CTNNA2: variants seen among roughly 807,000 people sequenced by gnomAD.
The protein encoded by CTNNA2 is catenin alpha 2, also known as catenin alpha-2.
Under a neutral mutation model 101.0 loss-of-function variants are expected in CTNNA2, and 42 were observed. The observed-to-expected ratio is 0.42, with a 90% CI of 0.32 to 0.54. The LOEUF (loss-of-function observed/expected upper bound fraction) is 0.54. CTNNA2 is among the 20% of genes least tolerant of loss of function. CTNNA2 has a pLI of 0.14. For missense variants in CTNNA2, 871 were observed against 1,223.1 expected (o/e 0.71, Z 4.29); for synonymous variants, 450 against 456.4 (o/e 0.99, Z 0.18).
Position 79,842,840 on chromosome 2 carries a change from C to T in CTNNA2, c.299-15173C>T, listed in dbSNP as rs1679931749. 2.0e-5 allele frequency among the ~76,000 whole-genome samples: 3 copies of T among 152,044 alleles called. No homozygotes were observed. The South Asian group carries it at 6.2e-4, about 32-fold the overall frequency. On this transcript the variant is annotated intron_variant, in intron 3 of 18. Transcript: ENST00000402739. ...AAAAGACAGCTGTTATTGTATTTTACATCATAGAATTCAAAAGCATCATTG... is the reference window on the plus strand; with the variant it reads ...AAAAGACAGCTGTTATTGTATTTTATATCATAGAATTCAAAAGCATCATTG...
intron 2 of CTNNA2, among the ~76,000 whole-genome samples, chr2:79,280,037 G>A (rs915840594): frequency 2.6e-5 from 4 of 152,028 alleles, no homozygotes; most frequent in African/African-American, 7.2e-5. Context: ...GCATGTCTTT[G>A]TTTTCTACAT....
At chr2:79,388,783 C>T (rs918467238) in intron 4 of CTNNA2, among the ~76,000 whole-genome samples, 4 of 149,282 alleles carry the variant, frequency 2.7e-5, no homozygotes, top group African/African-American at 7.4e-5. Flanking sequence ...TCTCTCTCCT[C>T]TTTTTTTTTT....
intron 7 of CTNNA2, among the ~76,000 whole-genome samples, chr2:79,954,090 G>A (rs1689061633): frequency 6.6e-6 from 1 of 152,096 alleles, no homozygotes; most frequent in African/African-American, 2.4e-5. Flanking sequence ...AAGGCCAAGG[G>A]GAAGCAAGGC....
chr2:79,266,777 A>G (rs895880580), intron 2 of CTNNA2, among the ~76,000 whole-genome samples: 3 of 152,098 alleles, frequency 2.0e-5, no homozygotes, highest in Non-Finnish European at 2.9e-5. Flanking sequence ...TATGAATACA[A>G]GCTTTCTGGG....
At chr2:79,404,827 C>T (rs755963668) in intron 4 of CTNNA2, among the ~76,000 whole-genome samples, 12 of 152,082 alleles carry the variant, frequency 7.9e-5, no homozygotes, top group Middle Eastern at 3.4e-3. Flanking sequence ...CTAATATAAC[C>T]TCATAATTCC....
At chr2:80,059,074 C>G (rs1256008061) in intron 7 of CTNNA2, among the ~76,000 whole-genome samples, 1 of 152,108 alleles carries the variant, frequency 6.6e-6, no homozygotes, top group Non-Finnish European at 1.5e-5. Context: ...TTAAAAATAT[C>G]TGCTGAGAAT....
In CTNNA2 at chr2:80,303,651, G is replaced by C. The variant is rs768820946; in HGVS notation, c.1057-89560G>C. ...GACAGGTTGTGGGGCGCCTCGGTGA[G>C]GTTGAGCGCCTCGCAGTACAGCAGC... On this transcript the variant is annotated intron_variant, in intron 7 of 18. Coordinates refer to ENST00000402739, the MANE Select transcript of CTNNA2 (RefSeq NM_001282597.3). This position sits in a 1 kb window ranked among gnomAD's most constrained non-coding sequence, Gnocchi z 7.7. The C allele has an allele frequency of 6.2e-7, 1 of 1,613,226 alleles. No homozygotes were observed. The highest frequency in any genetic ancestry group is 2.2e-5 in the East Asian group (1 of 44,824).
intron 2 of CTNNA2, among the ~76,000 whole-genome samples, chr2:79,736,934 G>A (rs750719652): frequency 3.3e-5 from 5 of 152,046 alleles, no homozygotes; most frequent in African/African-American, 7.2e-5. Context: ...CAAGTTCCTC[G>A]TGCCTCCATA....
At chr2:79,996,293 A>T (rs1157599305) in intron 7 of CTNNA2, among the ~76,000 whole-genome samples, 4 of 152,210 alleles carry the variant, frequency 2.6e-5, no homozygotes, top group Non-Finnish European at 5.9e-5. Flanking sequence ...CGGCATAAAC[A>T]GCATCCTAGT....
intron 1 of CTNNA2, among the ~76,000 whole-genome samples, chr2:79,640,949 G>A (rs556837888): frequency 6.6e-6 from 1 of 152,214 alleles, no homozygotes; most frequent in Admixed American, 6.5e-5. Flanking sequence ...CTTGATTCAG[G>A]GATTATGAAG....
At position 80,303,176 on chromosome 2, in the gene CTNNA2, T is replaced by C. The variant is rs772584508; in HGVS notation, c.1057-90035T>C. On this transcript the variant is annotated intron_variant, in intron 7 of 18. Transcript: ENST00000402739. The surrounding 1 kb of genome is among the most constrained non-coding windows in gnomAD (Gnocchi z 7.7). Reference sequence around the variant, plus strand: ...CTTGACCAAGTCGTTGTGCTCGAGGTGCAGCTCGGTGAGCTTAAACAAGCC... The same window carrying C: ...CTTGACCAAGTCGTTGTGCTCGAGGCGCAGCTCGGTGAGCTTAAACAAGCC... The C allele has an allele frequency of 1.2e-6, 2 of 1,614,004 alleles. No homozygotes were observed. Among genetic ancestry groups the C allele is most frequent in the Admixed American group, 1.7e-5 (1 of 60,010 alleles).
intron 7 of CTNNA2, among the ~76,000 whole-genome samples, chr2:80,314,745 T>G (rs1261280107): frequency 6.6e-6 from 1 of 152,348 alleles, no homozygotes; most frequent in African/African-American, 2.4e-5. Flanking sequence ...TGAAGAGGGT[T>G]TGCCATTGGC....
At chr2:80,542,219 A>G (rs1034912516) in intron 9 of CTNNA2, among the ~76,000 whole-genome samples, 1 of 150,782 alleles carries the variant, frequency 6.6e-6, no homozygotes, top group Non-Finnish European at 1.5e-5. Flanking sequence ...TCATAAATGT[A>G]GTCTTATTTA....
intron 4 of CTNNA2, among the ~76,000 whole-genome samples, chr2:79,394,006 G>C (rs1029265843): frequency 6.6e-6 from 1 of 151,982 alleles, no homozygotes; most frequent in Middle Eastern, 3.2e-3. Flanking sequence ...CCCATTATCT[G>C]AGTGCCACTT....
intron 9 of CTNNA2, among the ~76,000 whole-genome samples, chr2:80,525,766 C>G (rs886354818): frequency 3.9e-5 from 6 of 152,144 alleles, no homozygotes; most frequent in Non-Finnish European, 5.9e-5. Context: ...AGTTGAAAAG[C>G]TGCCTCATTG....
chr2:79,277,086 C>A (rs1675230580), intron 2 of CTNNA2, among the ~76,000 whole-genome samples: 1 of 152,024 alleles, frequency 6.6e-6, no homozygotes, highest in Non-Finnish European at 1.5e-5. Flanking sequence ...GAGGAGCTGT[C>A]TCAGCAAAAG....
chr2:80,167,849 C>T (rs181646269), intron 7 of CTNNA2, among the ~76,000 whole-genome samples: 70 of 152,158 alleles, frequency 4.6e-4, no homozygotes, highest in African/African-American at 9.6e-4. Flanking sequence ...GTAGCTAATA[C>T]GTGATTGTAA....
intron 7 of CTNNA2, among the ~76,000 whole-genome samples, chr2:80,357,547 GTTC>G (rs905579261): frequency 6.6e-6 from 1 of 151,986 alleles, no homozygotes; most frequent in African/African-American, 2.4e-5. Flanking sequence ...GATGGAACTG[GTTC>G]TTCTTCCCTG....
intron 2 of CTNNA2, among the ~76,000 whole-genome samples, chr2:79,312,432 G>A (rs574385489): frequency 2.6e-5 from 4 of 152,186 alleles, no homozygotes; most frequent in East Asian, 1.9e-4. Context: ...TAACCACGCC[G>A]TTATTCTCAT....
Sources: gnomAD v4.1 joint callset for allele counts (sites outside exome capture counted in the v4.1 genomes callset) on GRCh38, gnomAD v4.1.1 for gene constraint, Gnocchi (gnomAD v3.1) non-coding constraint, MANE v1.5 for transcripts, NCBI Gene and HGNC (gene_info 2026-07-23, HGNC 2026-07-21) for gene names.